The following FREM3 variants were observed in gnomAD, a reference collection of about 807,000 sequenced individuals.
FREM3 encodes FRAS1 related extracellular matrix 3.
A neutral mutation model predicts 129.1 loss-of-function variants in FREM3; 105 were observed. That is an observed-to-expected ratio of 0.81 (90% CI 0.69 to 0.96). The LOEUF (loss-of-function observed/expected upper bound fraction) is 0.96, where lower values mean the gene tolerates loss of function less well. Ranked by LOEUF, FREM3 falls within the 40% of genes least tolerant of loss-of-function variation. The probability of loss-of-function intolerance (pLI) is 0.00; values close to 1 mark genes in which losing one functional copy is unlikely to be tolerated. For missense variants in FREM3, 2,593 were observed against 2,666.3 expected (o/e 0.97, Z 0.61); for synonymous variants, 1,014 against 1,044.9 (o/e 0.97, Z 0.57).
intron 2 of FREM3, among the ~76,000 whole-genome samples, chr4:143,690,320 T>C (rs1170912605): frequency 6.6e-6 from 1 of 152,130 alleles, no homozygotes; most frequent in Non-Finnish European, 1.5e-5. Context: ...ACAGCCTGGG[T>C]CCAGAGCCTA....
chr4:143,644,412 A>G lies in FREM3; in HGVS notation c.5276-16652T>C, dbSNP rs1739378598. The stretch of plus-strand genomic sequence containing the variant: ...TATAAAGAATGAGTATCTAATAATA[A>G]GCATCCACGAAGAGATTTCTCAATG... On this transcript the variant is annotated intron_variant, in intron 2 of 7. Transcript: ENST00000329798. Among the ~76,000 whole-genome samples the G allele has an allele frequency of 2.6e-5, 4 of 152,306 alleles. No individual in the cohort carries two copies. In the South Asian group the frequency reaches 8.3e-4, roughly 32 times the overall value.
intron 5 of FREM3, among the ~76,000 whole-genome samples, chr4:143,617,818 T>G (rs953733431): frequency 6.6e-6 from 1 of 152,138 alleles, no homozygotes; most frequent in Non-Finnish European, 1.5e-5. Context: ...GGGCTCTAGT[T>G]TGGGTCTTGC....
intron 2 of FREM3, among the ~76,000 whole-genome samples, chr4:143,672,487 G>A (rs1316813538): frequency 6.6e-6 from 1 of 152,206 alleles, no homozygotes; most frequent in African/African-American, 2.4e-5. Flanking sequence ...ACTTCCCTTT[G>A]TGGGTAACCT....
intron 7 of FREM3, among the ~76,000 whole-genome samples, chr4:143,582,602 G>C (rs1036776262): frequency 2.6e-5 from 4 of 152,134 alleles, no homozygotes; most frequent in African/African-American, 7.2e-5. Context: ...AATTCAAAAA[G>C]CTATAGTGTC....
intron 2 of FREM3, among the ~76,000 whole-genome samples, chr4:143,632,377 A>G (rs933948117): frequency 3.9e-5 from 6 of 152,140 alleles, no homozygotes; most frequent in African/African-American, 1.4e-4. Context: ...AGGCTTTCCT[A>G]AAGGGGTGAT....
rs1461407631 is a variant in FREM3 at position 143,697,824 on chromosome 4, G to A, written c.2852C>T (p.Ser951Leu). Residue 951 changes from serine (S) to leucine (L), a missense_variant, in exon 1 of 8, where the codon TCA (serine) becomes TTA (leucine). Physicochemically the swap from Ser to Leu is moderately radical, Grantham distance 145 (BLOSUM62 -2). Coordinates refer to ENST00000329798, the MANE Select transcript of FREM3 (RefSeq NM_001168235.2). ...RSPRISLRSS[S>L]LLDVSIDVLE... ...TACGTCTATAGAAACATCCAATAAT[G>A]AACTACTTCTGAGAGAGATCCTAGG... 6.5e-7 allele frequency: 1 copy of A among 1,537,644 alleles called. No homozygotes were observed. Among genetic ancestry groups the A allele is most frequent in the Non-Finnish European group, 8.7e-7 (1 of 1,147,018 alleles).
intron 6 of FREM3, among the ~76,000 whole-genome samples, chr4:143,599,704 G>A (rs1738539642): frequency 6.6e-6 from 1 of 152,086 alleles, no homozygotes; most frequent in Admixed American, 6.6e-5. Context: ...CACTAGGCTA[G>A]AACAAAAGAA....
At chr4:143,587,931 A>G (rs1738270224) in intron 6 of FREM3, among the ~76,000 whole-genome samples, 1 of 151,956 alleles carries the variant, frequency 6.6e-6, no homozygotes. Flanking sequence ...ATTCTGGCTC[A>G]CTCTTGTATG....
rs923372554 is a variant in FREM3, at chr4:143,699,625, T to A, written c.1051A>T (p.Thr351Ser). The change falls in exon 1 of 8, where the codon ACT becomes TCT. Residue 351 changes from threonine (T) to serine (S), a missense_variant. Around this residue, in one of 2 missense-constraint regions of FREM3, gnomAD observed 2,276 missense variants for 2,267.2 expected, o/e 1.00. Transcript: ENST00000329798. The surrounding 1 kb of genome is among the most constrained non-coding windows in gnomAD (Gnocchi z 4.2). The stretch of plus-strand genomic sequence containing the variant: ...TGCCCCGGGTGCCCTGGTGGGTGAG[T>A]GGGGGCGTTCAGAATGTTGAACACC... ...DLVFNILNAP[T>S]HPPGHPGQQG... The A allele has an allele frequency of 2.6e-6, 4 of 1,530,002 alleles. No homozygotes were observed. The African/African-American group carries it at 5.5e-5, about 21-fold the overall frequency. 94.8% of individuals were successfully genotyped at this position (1,530,002 alleles called of 1,614,324 possible).
chr4:143,587,081 G>A (rs1400124574), intron 6 of FREM3, among the ~76,000 whole-genome samples: 1 of 152,172 alleles, frequency 6.6e-6, no homozygotes, highest in Non-Finnish European at 1.5e-5. Context: ...TTTAACTGCT[G>A]AGGGAGTAGT....
At chr4:143,638,649 T>C (rs1000396417) in intron 2 of FREM3, among the ~76,000 whole-genome samples, 3 of 152,122 alleles carry the variant, frequency 2.0e-5, no homozygotes, top group African/African-American at 4.8e-5. Context: ...TCCTTCCCCA[T>C]TGGCGGTAAA....
Position 143,697,535 on chromosome 4 carries a change from T to C in FREM3, c.3141A>G (p.Val1047=). 1 of 1,537,344 alleles carries C rather than the reference T, an allele frequency of 6.5e-7. No individual in the cohort carries two copies. The highest frequency in any genetic ancestry group is 2.4e-5 in the East Asian group (1 of 40,912). ...CTTTCTCTATTATGCTATTCCCCAC[T>C]ACCCATTGGTAAGAATCTTTGGAGA... ...LILSKDSYQW[V]VGNSIIEKVQ... Residue 1047 remains valine, a synonymous_variant, in exon 1 of 8, where the codon GTA becomes GTG. Coordinates refer to ENST00000329798, the MANE Select transcript of FREM3 (RefSeq NM_001168235.2).
chr4:143,623,507 C>A (rs978787519), intron 4 of FREM3, among the ~76,000 whole-genome samples: 11 of 100,062 alleles, frequency 1.1e-4, no homozygotes, highest in South Asian at 8.0e-4. Context: ...CCCCCCCCCC[C>A]ACCATTTAGG....
chr4:143,696,992 G>A lies in FREM3; in HGVS notation c.3684C>T (p.Leu1228=), dbSNP rs189270545. The A allele has an allele frequency of 1.2e-4, 187 of 1,537,730 alleles. No homozygotes were observed. In the African/African-American group the frequency reaches 1.8e-3, roughly 15 times the overall value. The part of the protein sequence containing the change: ...GADADLPPNE[L]HFQLTALPRH... The stretch of plus-strand genomic sequence containing the variant: ...GAGGGAGGGCTGTGAGTTGAAAGTG[G>A]AGCTCATTTGGTGGCAGGTCAGCAT... The change falls in exon 1 of 8, where the codon CTC becomes CTT. Residue 1228 remains leucine, a synonymous_variant. Coordinates refer to ENST00000329798, the MANE Select transcript of FREM3 (RefSeq NM_001168235.2).
At chr4:143,666,906 AT>A (rs1340033733) in intron 2 of FREM3, among the ~76,000 whole-genome samples, 1 of 152,174 alleles carries the variant, frequency 6.6e-6, no homozygotes, top group Non-Finnish European at 1.5e-5. Context: ...ATGTAAAAAA[AT>A]GTATAATATA....
intron 2 of FREM3, among the ~76,000 whole-genome samples, chr4:143,657,027 T>C (rs967773350): frequency 1.3e-5 from 2 of 149,426 alleles, no homozygotes; most frequent in African/African-American, 5.0e-5. Flanking sequence ...ATCAATGGCA[T>C]GAGAAAAAAA....
At chr4:143,601,270 G>C (rs1356953344) in intron 6 of FREM3, among the ~76,000 whole-genome samples, 3 of 152,046 alleles carry the variant, frequency 2.0e-5, no homozygotes, top group African/African-American at 7.2e-5. Flanking sequence ...ATGACACTTT[G>C]TTTATGCACA....
intron 2 of FREM3, among the ~76,000 whole-genome samples, chr4:143,639,167 G>A (rs373340892): frequency 2.6e-5 from 4 of 152,102 alleles, no homozygotes; most frequent in Admixed American, 6.6e-5. Context: ...TTCTTCACCC[G>A]CAGAAATCAT....
In FREM3 at chr4:143,665,526, C is replaced by T. The variant is rs57254970; in HGVS notation, c.5275+27587G>A. On this transcript the variant is annotated intron_variant, in intron 2 of 7. Transcript: ENST00000329798. ...ATACTGTTAGGCCATTTCTGAAATT[C>T]AGCCCAAGTTCTAGCTAGGTGTTTC... Among the ~76,000 whole-genome samples, 1,299 of 152,170 alleles carry T rather than the reference C, an allele frequency of 8.5e-3. 24 individuals carry two copies. Among genetic ancestry groups the T allele is most frequent in the African/African-American group, 0.029 (1,218 of 41,518 alleles).
Sources: allele counts gnomAD v4.1 joint callset (sites outside exome capture counted in the v4.1 genomes callset), GRCh38; gene constraint gnomAD v4.1.1; regional missense constraint gnomAD v4.1.1; non-coding constraint Gnocchi (gnomAD v3.1); transcripts MANE v1.5; gene names NCBI Gene and HGNC (gene_info 2026-07-23, HGNC 2026-07-21).